ACACB: variants seen among roughly 807,000 people sequenced by gnomAD.
ACACB encodes acetyl-CoA carboxylase 2.
ACACB carries 209 observed loss-of-function variants against 278.8 expected under a neutral mutation model. That is an observed-to-expected ratio of 0.75 (90% confidence interval 0.67 to 0.84). The LOEUF is 0.84. Ranked by LOEUF, ACACB falls within the 40% of genes least tolerant of loss-of-function variation. ACACB has a pLI of 0.00. For synonymous variants in ACACB, 1,174 were observed against 1,285.6 expected (o/e 0.91, Z 1.86); for missense variants, 2,850 against 3,269.0 (o/e 0.87, Z 3.13).
At chr12:109,127,975 A>T (rs183145914) in intron 1 of ACACB, among the ~76,000 whole-genome samples, 43 of 152,270 alleles carry the variant, frequency 2.8e-4, no homozygotes, top group Non-Finnish European at 4.9e-4. Context: ...CAGAGTCCCC[A>T]AGAGTAAATT....
chr12:109,131,982 T>G (rs1238906949), intron 1 of ACACB, among the ~76,000 whole-genome samples: 2 of 152,194 alleles, frequency 1.3e-5, no homozygotes, highest in Non-Finnish European at 2.9e-5. Flanking sequence ...GGTGTCTGTC[T>G]GTTTTTAGGA....
chr12:109,206,869 A>C lies in ACACB; in HGVS notation c.3060+13A>C. 1 of 1,614,202 alleles carries C rather than the reference A, an allele frequency of 6.2e-7. No individual in the cohort carries two copies. Among genetic ancestry groups the C allele is most frequent in the Non-Finnish European group, 8.5e-7 (1 of 1,180,030 alleles). On this transcript the variant is annotated intron_variant, in intron 20 of 52. Transcript: ENST00000338432. ...TTTTAGCATAAAGGTAAAGTCACCT[A>C]TGAGCGCAGGCGTGTAGACCAGTGC...
chr12:109,209,813 A>G (rs2045628834), intron 21 of ACACB, among the ~76,000 whole-genome samples: 1 of 145,376 alleles, frequency 6.9e-6, no homozygotes, highest in Non-Finnish European at 1.5e-5. Context: ...ATACACACAC[A>G]TATATATGCA....
chr12:109,174,291 G>A (rs527437634), intron 7 of ACACB, 61 bp downstream of exon 7: 93 of 1,344,292 alleles, frequency 6.9e-5, no homozygotes, highest in Non-Finnish European at 8.9e-5. Context: ...TAATGTGAAC[G>A]GTCAGGGTGA....
intron 21 of ACACB, among the ~76,000 whole-genome samples, chr12:109,210,440 TAC>T (rs2045786302): frequency 8.7e-6 from 1 of 115,168 alleles, no homozygotes; most frequent in Admixed American, 8.2e-5. Context: ...TACACGCACA[TAC>T]ATGTGTATAT....
At chr12:109,207,757 T>A (rs957155306) in intron 20 of ACACB, among the ~76,000 whole-genome samples, 10 of 152,192 alleles carry the variant, frequency 6.6e-5, no homozygotes, top group African/African-American at 1.9e-4. Flanking sequence ...TGTCTCACTG[T>A]AACCTCTGCC....
rs563023262 is a variant in ACACB, at chr12:109,187,129, G to A, written c.1981-870G>A. Among the ~76,000 whole-genome samples, 11 of 151,560 alleles carry A rather than the reference G, an allele frequency of 7.3e-5. No individual in the cohort carries two copies. In the East Asian group the frequency reaches 1.6e-3, roughly 21 times the overall value. Reference sequence around the variant, plus strand: ...AGGGAAGAGGGGAGTGAGGAAGGACGAAGGGAGAGAGGGAAGGAGGGAGGG... The same window carrying A: ...AGGGAAGAGGGGAGTGAGGAAGGACAAAGGGAGAGAGGGAAGGAGGGAGGG... On this transcript the variant is annotated intron_variant, in intron 12 of 52. Transcript: ENST00000338432.
chr12:109,242,690 C>T (rs1326956248), intron 37 of ACACB, 98 bp downstream of exon 37: 2 of 1,451,876 alleles, frequency 1.4e-6, no homozygotes, highest in Non-Finnish European at 1.9e-6. Flanking sequence ...AAGACCTAGT[C>T]TAAAGGACAA....
At chr12:109,190,780 A>G (rs2136278268) in intron 13 of ACACB, among the ~76,000 whole-genome samples, 1 of 151,978 alleles carries the variant, frequency 6.6e-6, no homozygotes, top group Non-Finnish European at 1.5e-5. Flanking sequence ...GTCACATACC[A>G]TCACGCTTGG....
chr12:109,176,681 A>G (rs1320927525), intron 9 of ACACB, among the ~76,000 whole-genome samples: 1 of 152,210 alleles, frequency 6.6e-6, no homozygotes, highest in Admixed American at 6.5e-5. Flanking sequence ...CAGTGGCACA[A>G]TCTCAGCTCA....
rs754304861 is a variant in ACACB, at chr12:109,253,198, T to C, written c.6045+40T>C. 6.0e-6 allele frequency: 9 copies of C among 1,498,600 alleles called. No individual in the cohort carries two copies. The East Asian group carries it at 2.1e-4, about 35-fold the overall frequency. 92.8% of individuals were successfully genotyped at this position (1,498,600 alleles called of 1,614,324 possible). On this transcript the variant is annotated intron_variant, in intron 43 of 52. Coordinates refer to ENST00000338432, the MANE Select transcript of ACACB (RefSeq NM_001093.4). ...CTGCAGCTTAGAACCTGGAAGACTC[T>C]TATTAAGCTCATTGGCTAATTCTGT... is the stretch of plus-strand genomic sequence containing the variant.
At position 109,259,035 on chromosome 12, in the gene ACACB, C is replaced by T; in HGVS notation, c.6423C>T (p.Val2141=). Residue 2141 remains valine (V), a synonymous_variant, in exon 47 of 53, where the codon GTC becomes GTT. Coordinates refer to ENST00000338432, the MANE Select transcript of ACACB (RefSeq NM_001093.4). ...CAGCCTACAAAACCGCCCAGGCCGT[C>T]AAGGACTTCAACCGGGAGAAGTTGC... ...PDSAYKTAQA[V]KDFNREKLPL... The T allele has an allele frequency of 6.2e-7, 1 of 1,614,144 alleles. No individual in the cohort carries two copies. Among genetic ancestry groups the T allele is most frequent in the Non-Finnish European group, 8.5e-7 (1 of 1,180,022 alleles).
Position 109,241,290 on chromosome 12 carries a change from G to A in ACACB, c.5022+9G>A, listed in dbSNP as rs574349880. 4.3e-6 allele frequency: 7 copies of A among 1,613,610 alleles called. No homozygotes were observed. The highest frequency in any genetic ancestry group is 5.9e-6 in the Non-Finnish European group (7 of 1,179,588). Reference sequence around the variant, plus strand: ...ACTCCAGATCTGGAAATGTAAGGCTGGCCCGCGCCGTGGGGGTCTAAGTCA... The same window carrying A: ...ACTCCAGATCTGGAAATGTAAGGCTAGCCCGCGCCGTGGGGGTCTAAGTCA... On this transcript the variant is annotated intron_variant, in intron 36 of 52. Transcript: ENST00000338432.
chr12:109,126,085 T>C (rs1400142310), intron 1 of ACACB, among the ~76,000 whole-genome samples: 1 of 151,870 alleles, frequency 6.6e-6, no homozygotes, highest in African/African-American at 2.4e-5. Context: ...GATGAATGAG[T>C]GAATGGCTGA....
chr12:109,217,196 C>T (rs374936820), intron 24 of ACACB, among the ~76,000 whole-genome samples: 2 of 152,252 alleles, frequency 1.3e-5, no homozygotes, highest in South Asian at 4.1e-4. Flanking sequence ...GCAGAAGGAT[C>T]GCTTGAACCC....
At chr12:109,228,606 C>G (rs2046384901) in intron 28 of ACACB, among the ~76,000 whole-genome samples, 1 of 150,426 alleles carries the variant, frequency 6.6e-6, no homozygotes, top group South Asian at 2.1e-4. Context: ...TTGCAGTGAG[C>G]CAAGATTGTG....
chr12:109,209,894 T>C (rs866183312), intron 21 of ACACB, among the ~76,000 whole-genome samples: 20 of 117,202 alleles, frequency 1.7e-4, no homozygotes, highest in Admixed American at 1.6e-4. Context: ...TATATATGTA[T>C]ATACACACAT....
At chr12:109,148,161 C>CTTGGAAACAGTCCCTGAGGT (rs1446861904) in intron 2 of ACACB, among the ~76,000 whole-genome samples, 18 of 152,304 alleles carry the variant, frequency 1.2e-4, no homozygotes, top group Middle Eastern at 3.4e-3. Flanking sequence ...TTTCCTTGGA[C>CTTGGAAACAGTCCCTGAGGT]TTGGAAACAG....
At chr12:109,209,483 G>T (rs2045618287) in intron 21 of ACACB, 130 bp downstream of exon 21, 6 of 918,304 alleles carry the variant, frequency 6.5e-6, no homozygotes, top group Middle Eastern at 3.5e-4. Flanking sequence ...ACATATCAGG[G>T]GCCGAGGGTT....
Sources: allele counts gnomAD v4.1 joint callset (sites outside exome capture counted in the v4.1 genomes callset), GRCh38; gene constraint gnomAD v4.1.1; transcripts MANE v1.5; gene names NCBI Gene and HGNC (gene_info 2026-07-23, HGNC 2026-07-21).